RIPOR3: variants seen among roughly 807,000 people sequenced by gnomAD.
RIPOR3 encodes family with sequence similarity 65 member C.
Under a neutral mutation model 114.3 loss-of-function variants are expected in RIPOR3, and 95 were observed. That is an observed-to-expected ratio of 0.83 (90% CI 0.70 to 0.99). The LOEUF (loss-of-function observed/expected upper bound fraction) is 0.99. Ranked by LOEUF, RIPOR3 falls within the 50% of genes least tolerant of loss-of-function variation. The pLI, the probability that RIPOR3 is intolerant of heterozygous loss-of-function variation, is 0.00. For missense variants in RIPOR3, 1,252 were observed against 1,266.9 expected (o/e 0.99, Z 0.18); for synonymous variants, 575 against 543.8 (o/e 1.06, Z -0.80).
intron 2 of RIPOR3, among the ~76,000 whole-genome samples, chr20:50,629,220 C>A (rs576486156): frequency 6.6e-6 from 1 of 152,252 alleles, no homozygotes; most frequent in South Asian, 2.1e-4. Context: ...TGCAGGGTTT[C>A]AAGTCGGGGA....
intron 2 of RIPOR3, among the ~76,000 whole-genome samples, chr20:50,626,543 G>A (rs1018617109): frequency 6.6e-6 from 1 of 152,222 alleles, no homozygotes; most frequent in Non-Finnish European, 1.5e-5. Context: ...AGAGGCAGAG[G>A]CCTACCGTGG....
chr20:50,602,546 G>A lies in RIPOR3; in HGVS notation c.1185C>T (p.Pro395=). The part of the protein sequence containing the change: ...SYLSDSDLRG[P]SLRSQSQELP... ...GCTCCTGACTCTGGCTTCTTAGGCT[G>A]GGACCCCGGAGGTCGCTGTCAGACA... Residue 395 remains proline, a synonymous_variant, in exon 13 of 22, where the codon CCC becomes CCT. Transcript: ENST00000327979. This position sits in a 1 kb window ranked among gnomAD's most constrained non-coding sequence, Gnocchi z 4.3. The A allele has an allele frequency of 6.4e-7, 1 of 1,555,658 alleles. No individual in the cohort carries two copies. Among genetic ancestry groups the A allele is most frequent in the Non-Finnish European group, 8.7e-7 (1 of 1,151,390 alleles).
intron 11 of RIPOR3, among the ~76,000 whole-genome samples, chr20:50,608,115 G>GC (rs926164604): frequency 1.3e-5 from 2 of 152,176 alleles, no homozygotes; most frequent in African/African-American, 4.8e-5. Context: ...AGCCCGGGAG[G>GC]CCCCGGAAAG....
chr20:50,587,682 G>A (rs574056374), intron 21 of RIPOR3, 120 bp downstream of exon 21: 4 of 901,508 alleles, frequency 4.4e-6, no homozygotes, highest in African/African-American at 1.6e-5. Flanking sequence ...GGCTGCTAAC[G>A]GTGCCCATCC....
intron 1 of RIPOR3, among the ~76,000 whole-genome samples, chr20:50,679,601 C>CAAAAAA (rs35946931): frequency 8.3e-6 from 1 of 120,632 alleles, no homozygotes; most frequent in Non-Finnish European, 1.6e-5. Context: ...ACTAAAAATA[C>CAAAAAA]AAAAAAAAAA....
chr20:50,630,576 TC>T (rs1201982171), intron 2 of RIPOR3, among the ~76,000 whole-genome samples, 161 bp downstream of exon 2: 1 of 128,296 alleles, frequency 7.8e-6, no homozygotes, highest in African/African-American at 5.0e-5. Flanking sequence ...TCTCAATCTC[TC>T]TCTCTCTCTC....
intron 17 of RIPOR3, among the ~76,000 whole-genome samples, chr20:50,593,603 G>A (rs1331411718): frequency 6.6e-6 from 1 of 152,030 alleles, no homozygotes; most frequent in Non-Finnish European, 1.5e-5. Context: ...ATGGCACGAG[G>A]GCAGGTGTCC....
At position 50,683,186 on chromosome 20, in the gene RIPOR3, G is replaced by T. The variant is rs577196720; in HGVS notation, c.3+7940C>A. On this transcript the variant is annotated intron_variant, in intron 1 of 21. Transcript: ENST00000327979. ...AATTCTATCCACAATTTTTAGAAAG[G>T]CAAGGGAAAGCTAAACACAGAATTC... Among the ~76,000 whole-genome samples the T allele has an allele frequency of 2.6e-5, 4 of 152,288 alleles. No homozygotes were observed. In the East Asian group the frequency reaches 7.7e-4, roughly 29 times the overall value.
At chr20:50,624,884 C>T (rs2084560674) in intron 2 of RIPOR3, among the ~76,000 whole-genome samples, 1 of 152,186 alleles carries the variant, frequency 6.6e-6, no homozygotes, top group Non-Finnish European at 1.5e-5. Context: ...TCAAGTCCTG[C>T]ACCTGCCCCC....
Position 50,587,209 on chromosome 20 carries a change from T to C in RIPOR3, c.*23A>G. 3 of 1,589,554 alleles carry C rather than the reference T, an allele frequency of 1.9e-6. No homozygotes were observed. Among genetic ancestry groups the C allele is most frequent in the Non-Finnish European group, 2.6e-6 (3 of 1,157,802 alleles). On this transcript the variant is annotated 3_prime_UTR_variant, in exon 22 of 22. Coordinates refer to ENST00000327979, the MANE Select transcript of RIPOR3 (RefSeq NM_001290268.2). Reference sequence around the variant, plus strand: ...AGCAGCAAAAAAAACGATGTGAGATTTGTGCTCATCAGCCAGGATTTTTTA... The same window carrying C: ...AGCAGCAAAAAAAACGATGTGAGATCTGTGCTCATCAGCCAGGATTTTTTA...
intron 14 of RIPOR3, 66 bp downstream of exon 14, chr20:50,597,514 G>T: frequency 6.5e-7 from 1 of 1,549,424 alleles, no homozygotes; most frequent in Non-Finnish European, 8.7e-7. Flanking sequence ...GGCAGGAAAC[G>T]TGGAGCTCGG....
chr20:50,602,092 C>G lies in RIPOR3; in HGVS notation c.1639G>C (p.Gly547Arg). ...CATACCTTCAGCCGGTCCCGGAAGCCGAGGACCTGGTACTCCAGCTCCCGG... is the reference window on the plus strand; with the variant it reads ...CATACCTTCAGCCGGTCCCGGAAGCGGAGGACCTGGTACTCCAGCTCCCGG... ...QLRELEYQVL[G>R]FRDRLKPCRA... The change falls in exon 13 of 22, where the codon GGC becomes CGC. Residue 547 changes from glycine (G) to arginine (R), a missense_variant. Transcript: ENST00000327979. This position sits in a 1 kb window ranked among gnomAD's most constrained non-coding sequence, Gnocchi z 4.3. 6.3e-7 allele frequency: 1 copy of G among 1,582,668 alleles called. No individual in the cohort carries two copies. Among genetic ancestry groups the G allele is most frequent in the Non-Finnish European group, 8.6e-7 (1 of 1,164,086 alleles).
intron 11 of RIPOR3, among the ~76,000 whole-genome samples, chr20:50,607,568 T>C (rs1371280107): frequency 1.3e-5 from 2 of 152,102 alleles, no homozygotes; most frequent in East Asian, 3.8e-4. Context: ...GCAGGCACCC[T>C]GGGTCCTAGG....
At chr20:50,626,240 G>T in intron 2 of RIPOR3, among the ~76,000 whole-genome samples, 1 of 152,270 alleles carries the variant, frequency 6.6e-6, no homozygotes, top group Non-Finnish European at 1.5e-5. Flanking sequence ...GGTGTGGGCA[G>T]CTTCTTCCTT....
rs777004513 is a variant in RIPOR3, at chr20:50,609,392, G to A, written c.577-36C>T. 176 of 1,607,370 alleles carry A rather than the reference G, an allele frequency of 1.1e-4. 1 individual carries two copies. The Middle Eastern group carries it at 2.6e-3, about 24-fold the overall frequency. On this transcript the variant is annotated intron_variant, in intron 7 of 21. Coordinates refer to ENST00000327979, the MANE Select transcript of RIPOR3 (RefSeq NM_001290268.2). ...CCGGAGGTGGCTCAGCTGGCTGCCT[G>A]GGGCTAGGCCACGAGGGCCTCTAAC... is the stretch of plus-strand genomic sequence containing the variant.
At chr20:50,589,604 A>T in intron 20 of RIPOR3, 82 bp downstream of exon 20, 1 of 1,420,578 alleles carries the variant, frequency 7.0e-7, no homozygotes, top group Non-Finnish European at 9.7e-7. Flanking sequence ...CCCCAGTGGA[A>T]TCATTTTGAA....
At chr20:50,619,464 G>A (rs911334988) in intron 3 of RIPOR3, among the ~76,000 whole-genome samples, 2 of 146,948 alleles carry the variant, frequency 1.4e-5, no homozygotes, top group African/African-American at 5.2e-5. Context: ...AAAAAAATTT[G>A]TGGAGTGACT....
At chr20:50,611,560 C>T (rs2083981369) in intron 4 of RIPOR3, among the ~76,000 whole-genome samples, 1 of 152,264 alleles carries the variant, frequency 6.6e-6, no homozygotes, top group South Asian at 2.1e-4. Context: ...ACAGTAGGCC[C>T]TTGACAAAAT....
chr20:50,604,819 G>T, intron 11 of RIPOR3, 45 bp from the exon 12 acceptor site: 1 of 1,594,038 alleles, frequency 6.3e-7, no homozygotes, highest in Non-Finnish European at 8.5e-7. Flanking sequence ...GCACCCAGAG[G>T]CCATTTCAGG....
Sources: gnomAD v4.1 joint callset for allele counts (sites outside exome capture counted in the v4.1 genomes callset) on GRCh38, gnomAD v4.1.1 for gene constraint, Gnocchi (gnomAD v3.1) non-coding constraint, MANE v1.5 for transcripts, NCBI Gene and HGNC (gene_info 2026-07-23, HGNC 2026-07-21) for gene names.